SIPA1L1: variants seen among roughly 807,000 people sequenced by gnomAD.
SIPA1L1 encodes the protein signal-induced proliferation-associated 1-like protein 1.
Under a neutral mutation model 162.7 loss-of-function variants are expected in SIPA1L1, and 26 were observed. That is an observed-to-expected ratio of 0.16 (90% CI 0.12 to 0.22). SIPA1L1 has a LOEUF of 0.22. Ranked by LOEUF, SIPA1L1 falls within the 10% of genes least tolerant of loss-of-function variation. The pLI, the probability that SIPA1L1 is intolerant of heterozygous loss-of-function variation, is 1.00. For synonymous variants in SIPA1L1, 829 were observed against 837.4 expected (o/e 0.99, Z 0.17); for missense variants, 1,874 against 2,241.0 (o/e 0.84, Z 3.31).
chr14:71,649,236 A>G (rs900013168), intron 7 of SIPA1L1, among the ~76,000 whole-genome samples: 1 of 139,164 alleles, frequency 7.2e-6, no homozygotes, highest in Non-Finnish European at 1.5e-5. Flanking sequence ...TCTGTTGCCC[A>G]GGCTGGAGTA....
intron 2 of SIPA1L1, among the ~76,000 whole-genome samples, chr14:71,446,533 A>G (rs1022305381): frequency 2.6e-5 from 4 of 152,192 alleles, no homozygotes; most frequent in Non-Finnish European, 5.9e-5. Context: ...ATGCCACTGC[A>G]CTTCAGCTTG....
At chr14:71,419,480 CTTTTTTTTTTTTTTT>C (rs779874892) in intron 2 of SIPA1L1, among the ~76,000 whole-genome samples, 4 of 85,248 alleles carry the variant, frequency 4.7e-5, no homozygotes, top group Non-Finnish European at 9.2e-5. Flanking sequence ...GAGGATCTCT[CTTTTTTTTTTTTTTT>C]TTTTTTTTTT....
At chr14:71,550,590 A>G (rs2055715499) in intron 4 of SIPA1L1, among the ~76,000 whole-genome samples, 1 of 151,528 alleles carries the variant, frequency 6.6e-6, no homozygotes, top group African/African-American at 2.4e-5. Context: ...AGAGAAAGAC[A>G]GCTCCGTTCT....
chr14:71,365,662 A>G (rs1490600111), intron 2 of SIPA1L1, among the ~76,000 whole-genome samples: 1 of 151,954 alleles, frequency 6.6e-6, no homozygotes, highest in African/African-American at 2.4e-5. Flanking sequence ...TCTTCCTTCA[A>G]CTATGTGAAG....
intron 2 of SIPA1L1, among the ~76,000 whole-genome samples, chr14:71,325,489 T>C (rs566973795): frequency 6.6e-6 from 1 of 152,306 alleles, no homozygotes; most frequent in Non-Finnish European, 1.5e-5. Flanking sequence ...TTTGTGATCA[T>C]GAGGGTACAA....
intron 2 of SIPA1L1, among the ~76,000 whole-genome samples, chr14:71,456,632 G>A (rs12880611): frequency 0.16 from 24,849 of 152,180 alleles, 2,638 homozygotes; most frequent in Middle Eastern, 0.35. Flanking sequence ...TATTATTACA[G>A]AAGAGTTAAA....
At chr14:71,627,372 C>T (rs2040132024) in intron 7 of SIPA1L1, among the ~76,000 whole-genome samples, 1 of 151,816 alleles carries the variant, frequency 6.6e-6, no homozygotes, top group Non-Finnish European at 1.5e-5. Context: ...GTCTCGAACT[C>T]CTGACATCAG....
intron 13 of SIPA1L1, among the ~76,000 whole-genome samples, chr14:71,691,821 C>G (rs975118925): frequency 1.3e-5 from 2 of 152,200 alleles, no homozygotes; most frequent in African/African-American, 2.4e-5. Flanking sequence ...CCAAAACACT[C>G]TCCTCCCATT....
At position 71,515,323 on chromosome 14, in the gene SIPA1L1, C is replaced by A. The variant is rs189376085; in HGVS notation, c.-362+2478C>A. 4.9e-4 allele frequency among the ~76,000 whole-genome samples: 74 copies of A among 152,244 alleles called. 1 individual carries two copies. Among genetic ancestry groups the A allele is most frequent in the African/African-American group, 1.8e-3 (73 of 41,558 alleles). ...CTAAGCTGATACCCTTAGTACATAC[C>A]CTTGAGAATGAAAACTAATGGTTTG... is the stretch of plus-strand genomic sequence containing the variant. On this transcript the variant is annotated intron_variant, in intron 3 of 23. Transcript: ENST00000381232.
chr14:71,673,230 C>T (rs1452031839), intron 12 of SIPA1L1, among the ~76,000 whole-genome samples: 1 of 152,160 alleles, frequency 6.6e-6, no homozygotes, highest in Admixed American at 6.5e-5. Flanking sequence ...CCCCACAGCT[C>T]CTGCCAAGCC....
At position 71,455,334 on chromosome 14, in the gene SIPA1L1, T is replaced by G. The variant is rs536461515; in HGVS notation, c.-464-57409T>G. 2.2e-3 allele frequency among the ~76,000 whole-genome samples: 336 copies of G among 152,262 alleles called. 1 individual carries two copies. Among genetic ancestry groups the G allele is most frequent in the Non-Finnish European group, 4.0e-3 (273 of 68,012 alleles). On this transcript the variant is annotated intron_variant, in intron 2 of 23. Transcript: ENST00000381232. ...GATTCCAAATGATTGTTTTTCTTGC[T>G]TTTTTTCATCCCTTTTCTTAAATTA... is the stretch of plus-strand genomic sequence containing the variant.
chr14:71,466,795 A>G (rs568757764), intron 2 of SIPA1L1, among the ~76,000 whole-genome samples: 2 of 152,298 alleles, frequency 1.3e-5, no homozygotes, highest in South Asian at 2.1e-4. Flanking sequence ...TTGACCAGTT[A>G]TCTTTTAATA....
intron 5 of SIPA1L1, among the ~76,000 whole-genome samples, chr14:71,591,159 ATAT>A (rs756957145): frequency 1.3e-5 from 2 of 152,272 alleles, no homozygotes; most frequent in South Asian, 4.1e-4. Flanking sequence ...CAGTATAATA[ATAT>A]TATTATAATA....
chr14:71,350,218 C>T (rs570264073), intron 2 of SIPA1L1, among the ~76,000 whole-genome samples: 1 of 144,932 alleles, frequency 6.9e-6, no homozygotes, highest in African/African-American at 2.5e-5. Context: ...GAAACCCCGT[C>T]TCTACTAAAC....
intron 15 of SIPA1L1, among the ~76,000 whole-genome samples, chr14:71,703,830 C>G (rs1001279314): frequency 1.3e-5 from 2 of 152,142 alleles, no homozygotes; most frequent in Admixed American, 1.3e-4. Flanking sequence ...AGGGTAATTA[C>G]AAGGTTCTTC....
intron 5 of SIPA1L1, among the ~76,000 whole-genome samples, chr14:71,605,228 CTGTT>C (rs1374456945): frequency 3.3e-5 from 5 of 151,814 alleles, no homozygotes; most frequent in South Asian, 2.1e-4. Context: ...TCTAATATTT[CTGTT>C]TGTTTCTTTT....
intron 16 of SIPA1L1, among the ~76,000 whole-genome samples, chr14:71,708,015 G>GTTTTTTTTTTTTTTTT (rs34838057): frequency 6.0e-5 from 6 of 100,300 alleles, no homozygotes; most frequent in South Asian, 3.0e-4. Flanking sequence ...GTTTTTTGGT[G>GTTTTTTTTTTTTTTTT]TTTTTTTTTT....
intron 5 of SIPA1L1, chr14:71,598,271 A>G (rs1290190193): frequency 2.1e-6 from 2 of 957,720 alleles, no homozygotes; most frequent in African/African-American, 3.5e-5. Context: ...TGGAAGCTAA[A>G]ATCAGTGAAT....
intron 2 of SIPA1L1, among the ~76,000 whole-genome samples, chr14:71,505,729 C>T (rs1312083799): frequency 6.6e-6 from 1 of 151,966 alleles, no homozygotes; most frequent in African/African-American, 2.4e-5. Flanking sequence ...ACTTTTTGAG[C>T]ACCAACATGA....
Sources: gnomAD v4.1 joint callset for allele counts (sites outside exome capture counted in the v4.1 genomes callset) on GRCh38, gnomAD v4.1.1 for gene constraint, MANE v1.5 for transcripts, NCBI Gene and HGNC (gene_info 2026-07-23, HGNC 2026-07-21) for gene names.